The following XPR1 variants were observed in gnomAD, a reference collection of about 807,000 sequenced individuals.
XPR1 encodes the protein xenotropic and polytropic retrovirus receptor 1.
In XPR1, 28 loss-of-function variants were observed where a neutral mutation model predicts 87.5. The observed-to-expected ratio is 0.32, with a 90% CI of 0.24 to 0.44. XPR1 has a LOEUF of 0.44. Among genes scored for constraint, XPR1 ranks in the 20% least tolerant of loss-of-function variants. The pLI is 1.00. For missense variants in XPR1, 559 were observed against 862.3 expected (o/e 0.65, Z 4.41); for synonymous variants, 300 against 306.1 (o/e 0.98, Z 0.21).
At chr1:180,834,748 T>A in intron 9 of XPR1, 126 bp from the exon 10 acceptor site, 1 of 1,087,950 alleles carries the variant, frequency 9.2e-7, no homozygotes, top group South Asian at 1.8e-5. Context: ...TCTCTGTATT[T>A]ATGATTGGTT....
intron 1 of XPR1, among the ~76,000 whole-genome samples, chr1:180,676,467 T>A (rs542531893): frequency 2.6e-5 from 4 of 152,214 alleles, no homozygotes; most frequent in African/African-American, 9.6e-5. Context: ...ATTTTTCTGG[T>A]ACTTTTTTTG....
rs187871969 is a variant in XPR1, at chr1:180,773,088, A to C, written c.122-14665A>C. On this transcript the variant is annotated intron_variant, in intron 2 of 14. Transcript: ENST00000367590. ...CTTGTATCAAGAGATAGAGACTAGT[A>C]AATAGTCAATCATTTAATGTGTTGA... is the stretch of plus-strand genomic sequence containing the variant. Among the ~76,000 whole-genome samples the C allele has an allele frequency of 4.6e-5, 7 of 152,276 alleles. No homozygotes were observed. In the East Asian group the frequency reaches 1.4e-3, roughly 29 times the overall value.
intron 13 of XPR1, among the ~76,000 whole-genome samples, chr1:180,875,395 G>A (rs1652629045): frequency 6.6e-6 from 1 of 151,800 alleles, no homozygotes; most frequent in African/African-American, 2.4e-5. Context: ...TGTAGTCCCA[G>A]GTACTCAGGA....
chr1:180,885,540 G>C lies in XPR1; in HGVS notation c.*1474G>C, dbSNP rs2102232829. On this transcript the variant is annotated 3_prime_UTR_variant, in exon 15 of 15. Transcript: ENST00000367590. ...AAACCATAAGAGATATTACTTTATTGAATATGGTTGGCATTAAATTTAGCA... is the reference window on the plus strand; with the variant it reads ...AAACCATAAGAGATATTACTTTATTCAATATGGTTGGCATTAAATTTAGCA... The C allele has an allele frequency of 6.6e-6, 1 of 152,064 alleles. No individual in the cohort carries two copies. Among genetic ancestry groups the C allele is most frequent in the East Asian group, 1.9e-4 (1 of 5,196 alleles). 9.4% of individuals were successfully genotyped at this position (152,064 alleles called of 1,614,324 possible). A position where few individuals can be genotyped will look rare whatever the true frequency, so the allele number is the denominator to read the frequency against.
At chr1:180,731,399 A>G (rs1219580525) in intron 2 of XPR1, among the ~76,000 whole-genome samples, 1 of 152,196 alleles carries the variant, frequency 6.6e-6, no homozygotes, top group Non-Finnish European at 1.5e-5. Flanking sequence ...AGGGGTTTAT[A>G]TAGCAGGGAA....
chr1:180,669,616 C>T (rs1656091730), intron 1 of XPR1, among the ~76,000 whole-genome samples: 1 of 152,082 alleles, frequency 6.6e-6, no homozygotes, highest in Non-Finnish European at 1.5e-5. Context: ...CCTGGCTTGG[C>T]CTCCCAAAGT....
chr1:180,835,884 A>G (rs1388223735), intron 10 of XPR1, among the ~76,000 whole-genome samples: 1 of 152,198 alleles, frequency 6.6e-6, no homozygotes, highest in Non-Finnish European at 1.5e-5. Context: ...CAAATTACAG[A>G]GCCAACCCGT....
At chr1:180,710,560 T>G (rs1657728396) in intron 2 of XPR1, among the ~76,000 whole-genome samples, 1 of 152,168 alleles carries the variant, frequency 6.6e-6, no homozygotes, top group African/African-American at 2.4e-5. Flanking sequence ...GAAGAATTTT[T>G]CTTAGTACAG....
intron 1 of XPR1, among the ~76,000 whole-genome samples, chr1:180,659,236 TCCTTCCTTCCTTCCTCCCTCCCTCCCTC>T (rs1479127149): frequency 2.3e-4 from 5 of 22,090 alleles, no homozygotes; most frequent in African/African-American, 5.5e-4. Flanking sequence ...CTTCCTTCCT[TCCTTCCTTCCTTCCTCCCTCCCTCCCTC>T]CCTCCCTCCC....
At chr1:180,645,113 G>A (rs1469693811) in intron 1 of XPR1, among the ~76,000 whole-genome samples, 4 of 152,214 alleles carry the variant, frequency 2.6e-5, no homozygotes, top group Non-Finnish European at 5.9e-5. Context: ...GAAATTTGAA[G>A]TTGTCTCAGA....
chr1:180,665,451 A>G (rs1557946722), intron 1 of XPR1, among the ~76,000 whole-genome samples: 2 of 152,168 alleles, frequency 1.3e-5, no homozygotes, highest in African/African-American at 2.4e-5. Flanking sequence ...GGCCTTGGGG[A>G]TTGGGAACCA....
At chr1:180,879,059 G>A (rs1652757209) in intron 13 of XPR1, among the ~76,000 whole-genome samples, 2 of 152,192 alleles carry the variant, frequency 1.3e-5, no homozygotes, top group Admixed American at 1.3e-4. Flanking sequence ...AACAGGAACA[G>A]CCCTGCATCT....
At chr1:180,872,526 G>A (rs1266337233) in intron 12 of XPR1, among the ~76,000 whole-genome samples, 2 of 59,144 alleles carry the variant, frequency 3.4e-5, no homozygotes. Context: ...GTGGTGCGCC[G>A]TTTCTTAAGC....
chr1:180,812,470 C>T (rs1650253223), intron 7 of XPR1, among the ~76,000 whole-genome samples: 1 of 152,150 alleles, frequency 6.6e-6, no homozygotes, highest in Non-Finnish European at 1.5e-5. Flanking sequence ...CAAATATGCT[C>T]TTCTATCTGG....
chr1:180,843,486 C>T (rs1025006718), intron 11 of XPR1, among the ~76,000 whole-genome samples: 13 of 152,012 alleles, frequency 8.6e-5, no homozygotes, highest in South Asian at 2.1e-4. Flanking sequence ...TAAGAACTGA[C>T]GATGCCGTAA....
At chr1:180,657,328 T>C (rs760743641) in intron 1 of XPR1, among the ~76,000 whole-genome samples, 1 of 152,212 alleles carries the variant, frequency 6.6e-6, no homozygotes, top group Non-Finnish European at 1.5e-5. Flanking sequence ...TTTGCTTTGG[T>C]TGCCTGTGCT....
intron 12 of XPR1, 108 bp from the exon 13 acceptor site, chr1:180,873,695 T>A: frequency 8.1e-7 from 1 of 1,231,602 alleles, no homozygotes; most frequent in Non-Finnish European, 1.1e-6. Flanking sequence ...AGCCTGTGCT[T>A]ATTCGTAGGA....
At chr1:180,813,100 A>G (rs1009347945) in intron 7 of XPR1, among the ~76,000 whole-genome samples, 1 of 139,696 alleles carries the variant, frequency 7.2e-6, no homozygotes, top group Non-Finnish European at 1.5e-5. Flanking sequence ...ATTCATGGCT[A>G]CTCTTAAAAT....
intron 6 of XPR1, among the ~76,000 whole-genome samples, chr1:180,806,795 CT>C (rs1365728851): frequency 2.0e-5 from 3 of 151,952 alleles, no homozygotes; most frequent in Admixed American, 6.6e-5. Flanking sequence ...GACATGTTAA[CT>C]TACTGGTATC....
Sources: allele counts gnomAD v4.1 joint callset (sites outside exome capture counted in the v4.1 genomes callset), GRCh38; gene constraint gnomAD v4.1.1; transcripts MANE v1.5; gene names NCBI Gene and HGNC (gene_info 2026-07-23, HGNC 2026-07-21).